PIGN: variants seen among roughly 807,000 people sequenced by gnomAD.
PIGN encodes GPI ethanolamine phosphate transferase 1.
PIGN carries 117 observed loss-of-function variants against 125.4 expected under a neutral mutation model. The observed-to-expected ratio is 0.93, with a 90% CI of 0.80 to 1.09. The LOEUF (loss-of-function observed/expected upper bound fraction) is 1.09, where lower values mean the gene tolerates loss of function less well. PIGN is among the 50% of genes least tolerant of loss of function. PIGN has a pLI of 0.00. For missense variants in PIGN, 1,075 were observed against 1,094.9 expected (o/e 0.98, Z 0.26); for synonymous variants, 392 against 377.8 (o/e 1.04, Z -0.44).
chr18:62,169,702 C>A (rs535718021), intron 1 of PIGN, among the ~76,000 whole-genome samples: 28 of 151,722 alleles, frequency 1.8e-4, no homozygotes, highest in Non-Finnish European at 4.1e-4. Context: ...CTTACTGCAG[C>A]CTTGACCTCC....
At chr18:62,067,093 A>ATG (rs751031367) in intron 30 of PIGN, among the ~76,000 whole-genome samples, 1,630 of 152,308 alleles carry the variant, frequency 0.011, 19 homozygotes, top group African/African-American at 0.031. Context: ...TTTATAATGA[A>ATG]AAGCAACAAT....
Position 62,041,640 on chromosome 18 carries a change from G to GGGGGGTGTGTGTGTGTGT in PIGN, c.*4215_*4216insACACACACACACACCCCC, listed in dbSNP as rs1355691128. The stretch of plus-strand genomic sequence containing the variant: ...ATTACAGGAGCCTACCACCCCGCCG[G>GGGGGGTGTGTGTGTGTGT]GTGTGTGTGTGTGTGTGTGTGTGTG... On this transcript the variant is annotated 3_prime_UTR_variant, in exon 31 of 31. Transcript: ENST00000640252. The GGGGGGTGTGTGTGTGTGT allele has an allele frequency of 1.3e-5, 1 of 77,470 alleles. No homozygotes were observed. The allele number at this position is 77,470 out of a possible 1,614,324, so 4.8% of individuals were successfully genotyped here.
At chr18:62,101,458 G>C (rs1343184512) in intron 21 of PIGN, among the ~76,000 whole-genome samples, 3 of 152,164 alleles carry the variant, frequency 2.0e-5, no homozygotes, top group Non-Finnish European at 2.9e-5. Context: ...CCTAGAGAGA[G>C]ATTCAGAAAC....
intron 30 of PIGN, chr18:62,069,756 G>A (rs2032733082): frequency 6.6e-6 from 1 of 152,144 alleles, no homozygotes; most frequent in South Asian, 2.1e-4. Flanking sequence ...AAAGAGTTCT[G>A]GAGACAGATG....
At chr18:62,162,770 A>T (rs1353231202) in intron 2 of PIGN, among the ~76,000 whole-genome samples, 1 of 152,138 alleles carries the variant, frequency 6.6e-6, no homozygotes, top group Admixed American at 6.5e-5. Flanking sequence ...CTGTGCTACT[A>T]CAAATCAACT....
intron 30 of PIGN, chr18:62,070,533 G>A (rs1000405851): frequency 2.0e-5 from 8 of 398,124 alleles, no homozygotes; most frequent in Non-Finnish European, 3.1e-5. Context: ...GAGGGAAGAG[G>A]ATGTTTAACA....
chr18:62,185,758 T>C (rs566811123), intron 1 of PIGN, among the ~76,000 whole-genome samples: 10 of 152,382 alleles, frequency 6.6e-5, no homozygotes, highest in African/African-American at 2.4e-4. Context: ...TCTAATTGTA[T>C]TGACTGGAAA....
intron 23 of PIGN, among the ~76,000 whole-genome samples, chr18:62,034,547 G>A (rs550989246): frequency 6.6e-6 from 1 of 152,332 alleles, no homozygotes; most frequent in African/African-American, 2.4e-5. Context: ...GCCCAAGGCC[G>A]TGGGAGCCTA....
chr18:62,111,011 A>C (rs972043331), intron 16 of PIGN, among the ~76,000 whole-genome samples: 1 of 151,542 alleles, frequency 6.6e-6, no homozygotes, highest in African/African-American at 2.4e-5. Flanking sequence ...GGCCTAATCT[A>C]TATTGTATTA....
intron 20 of PIGN, among the ~76,000 whole-genome samples, chr18:62,104,343 A>G (rs1424073624): frequency 6.6e-6 from 1 of 152,214 alleles, no homozygotes; most frequent in Admixed American, 6.6e-5. Flanking sequence ...AACTATGGCA[A>G]TACTGCTTGA....
In PIGN at chr18:62,139,032, T is replaced by C. The variant is rs750531555; in HGVS notation, c.1067A>G (p.Lys356Arg). 1 of 1,609,562 alleles carries C rather than the reference T, an allele frequency of 6.2e-7. No individual in the cohort carries two copies. Among genetic ancestry groups the C allele is most frequent in the East Asian group, 2.2e-5 (1 of 44,700 alleles). Residue 356 changes from lysine (K) to arginine (R), a missense_variant, in exon 13 of 31, where the codon AAA (lysine) becomes AGA (arginine). By Grantham distance (26) the Lys-to-Arg change is conservative (BLOSUM62 2). This residue lies in a region of PIGN where 915 missense variants were observed against 908.7 expected (regional missense o/e 1.01). Transcript: ENST00000640252. Reference sequence around the variant, plus strand: ...TGCATTTGTAAACATGCTCTCTGCTTTGAAGAGATCAGTGTTGTTAAGATA... The same window carrying C: ...TGCATTTGTAAACATGCTCTCTGCTCTGAAGAGATCAGTGTTGTTAAGATA... The part of the protein sequence containing the change: ...VDYLNNTDLF[K>R]AESMFTNAVQ...
chr18:62,046,846 T>A (rs1019987309), intron 30 of PIGN, among the ~76,000 whole-genome samples: 7 of 152,170 alleles, frequency 4.6e-5, no homozygotes. Flanking sequence ...GAGGGCTGAC[T>A]ATACAACTAA....
At chr18:62,074,754 T>C in intron 29 of PIGN, 25 bp downstream of exon 29, 1 of 1,481,232 alleles carries the variant, frequency 6.8e-7, no homozygotes, top group Non-Finnish European at 9.4e-7. Context: ...ATCTAATTTA[T>C]ATGGACTACC....
chr18:62,162,663 T>C (rs768289357), intron 2 of PIGN, among the ~76,000 whole-genome samples: 1 of 152,094 alleles, frequency 6.6e-6, no homozygotes. Context: ...TTCTACAAAG[T>C]ACAAAAGTTC....
At position 62,145,954 on chromosome 18, in the gene PIGN, G is replaced by T; in HGVS notation, c.877C>A (p.Pro293Thr). 6.2e-7 allele frequency: 1 copy of T among 1,608,832 alleles called. No homozygotes were observed. Among genetic ancestry groups the T allele is most frequent in the Non-Finnish European group, 8.5e-7 (1 of 1,176,264 alleles). The change falls in exon 10 of 31, where the codon CCC becomes ACC. Residue 293 changes from proline to threonine, a missense_variant. Around this residue, in one of 3 missense-constraint regions of PIGN, gnomAD observed 915 missense variants for 908.7 expected, o/e 1.01. Transcript: ENST00000640252. ...AATTGCTGAGCTGATACTCTTTGGG[G>T]ATACTTGATTCCAGCTCCCCAAGTG... ...LVTWGAGIKY[P>T]QRVSAQQFDD...
rs1484163014 is a variant in PIGN, at chr18:62,041,204, A to C, written c.*4652T>G. The C allele has an allele frequency of 2.0e-5, 3 of 152,210 alleles. No homozygotes were observed. The highest frequency in any genetic ancestry group is 7.2e-5 in the African/African-American group (3 of 41,450). 9.4% of individuals were successfully genotyped at this position (152,210 alleles called of 1,614,324 possible). A position where few individuals can be genotyped will look rare whatever the true frequency, so the allele number is the denominator to read the frequency against. ...AATTTATTTTTCAGGTAAAAGATATAAAACATAAGGTATGAAGGCTTAGTC... is the reference window on the plus strand; with the variant it reads ...AATTTATTTTTCAGGTAAAAGATATCAAACATAAGGTATGAAGGCTTAGTC... On this transcript the variant is annotated 3_prime_UTR_variant, in exon 31 of 31. Transcript: ENST00000640252.
chr18:62,162,214 C>G (rs1379801106), intron 3 of PIGN, 39 bp downstream of exon 3: 1 of 151,776 alleles, frequency 6.6e-6, no homozygotes, highest in Admixed American at 6.6e-5. Flanking sequence ...AAAAACGAAG[C>G]AATATGAAAC....
At chr18:62,131,861 T>C (rs2035751585) in intron 14 of PIGN, among the ~76,000 whole-genome samples, 1 of 152,110 alleles carries the variant, frequency 6.6e-6, no homozygotes, top group Non-Finnish European at 1.5e-5. Context: ...GGAAAAATGG[T>C]GAAGATACCA....
chr18:62,037,575 A>T (rs184179589), downstream of PIGN, among the ~76,000 whole-genome samples: 1 of 152,234 alleles, frequency 6.6e-6, no homozygotes, highest in Non-Finnish European at 1.5e-5. Context: ...GGCTGTGAGC[A>T]CTGAGGGCAG....
Sources: allele counts gnomAD v4.1 joint callset (sites outside exome capture counted in the v4.1 genomes callset), GRCh38; gene constraint gnomAD v4.1.1; regional missense constraint gnomAD v4.1.1; transcripts MANE v1.5; gene names NCBI Gene and HGNC (gene_info 2026-07-23, HGNC 2026-07-21).